SHMT1: variants seen among roughly 807,000 people sequenced by gnomAD.
SHMT1 encodes the protein serine hydroxymethyltransferase, cytosolic.
A neutral mutation model predicts 49.0 loss-of-function variants in SHMT1; 45 were observed. The observed-to-expected ratio is 0.92, with a 90% confidence interval of 0.72 to 1.18. The LOEUF (loss-of-function observed/expected upper bound fraction) is 1.18, where lower values mean the gene tolerates loss of function less well. Ranked by LOEUF, SHMT1 falls within the 50% of genes most tolerant of loss-of-function variation. The pLI is 0.00. For synonymous variants in SHMT1, 232 were observed against 246.6 expected, an observed-to-expected ratio of 0.94 and a Z score of 0.55; for missense variants, 541 against 612.4, an observed-to-expected ratio of 0.88 and a Z score of 1.23.
chr17:18,351,176 T>A (rs1340618716), intron 3 of SHMT1, among the ~76,000 whole-genome samples: 1 of 151,926 alleles, frequency 6.6e-6, no homozygotes, highest in Non-Finnish European at 1.5e-5. Flanking sequence ...GGAATCTCAC[T>A]GTCACCCAGG....
At chr17:18,344,001 C>G (rs2151585172) in intron 5 of SHMT1, among the ~76,000 whole-genome samples, 1 of 151,734 alleles carries the variant, frequency 6.6e-6, no homozygotes, top group South Asian at 2.1e-4. Context: ...AAACTGGGCT[C>G]TGGGATCTGA....
intron 1 of SHMT1, among the ~76,000 whole-genome samples, chr17:18,356,330 C>G (rs543586822): frequency 6.6e-5 from 10 of 151,978 alleles, no homozygotes; most frequent in South Asian, 6.2e-4. Context: ...GTGTCAGCCA[C>G]CGCGCCCCAC....
At chr17:18,343,971 C>G (rs959370985) in intron 5 of SHMT1, among the ~76,000 whole-genome samples, 1 of 148,794 alleles carries the variant, frequency 6.7e-6, no homozygotes, top group African/African-American at 2.5e-5. Context: ...ACCAGCAGAG[C>G]ATAGAGCGCA....
At chr17:18,359,167 GGCGGAA>G in intron 1 of SHMT1, among the ~76,000 whole-genome samples, 1 of 151,184 alleles carries the variant, frequency 6.6e-6, no homozygotes, top group Non-Finnish European at 1.5e-5. Flanking sequence ...GAACCCGGGA[GGCGGAA>G]GTTGTAGTGA....
chr17:18,348,684 G>T (rs775837664), intron 3 of SHMT1: 1 of 617,024 alleles, frequency 1.6e-6, no homozygotes, highest in South Asian at 1.4e-5. Flanking sequence ...TATAAAAAGA[G>T]GGGGTTTTGG....
chr17:18,340,329 T>C lies in SHMT1; in HGVS notation c.602-74A>G, dbSNP rs1226260255. 7 of 1,434,394 alleles carry C rather than the reference T, an allele frequency of 4.9e-6. No individual in the cohort carries two copies. The East Asian group carries it at 1.6e-4, about 33-fold the overall frequency. The allele number at this position is 1,434,394 out of a possible 1,614,324, so 88.9% of individuals were successfully genotyped here. On this transcript the variant is annotated intron_variant, in intron 6 of 11. Coordinates refer to ENST00000316694, the MANE Select transcript of SHMT1 (RefSeq NM_004169.5). This position sits in a 1 kb window ranked among gnomAD's most constrained non-coding sequence, Gnocchi z 4.5. ...GCTGAGTTGGCTTCACAGTGGCCTC[T>C]AGATGTGCAGATCTGAAAGCCCAGA...
At chr17:18,356,045 ATTTAT>A (rs1986212514) in intron 1 of SHMT1, 45 bp from the exon 2 acceptor site, 2 of 849,490 alleles carry the variant, frequency 2.4e-6, no homozygotes, top group Admixed American at 2.4e-5. Flanking sequence ...AATTAAATTT[ATTTAT>A]TTTATTTATT....
intron 1 of SHMT1, among the ~76,000 whole-genome samples, 162 bp from the exon 2 acceptor site, chr17:18,356,162 C>T (rs898938883): frequency 6.6e-6 from 1 of 152,076 alleles, no homozygotes; most frequent in Non-Finnish European, 1.5e-5. Context: ...AAGAGATTCT[C>T]CTGCCTCAAT....
At chr17:18,329,582 A>G (rs901469249) in intron 10 of SHMT1, among the ~76,000 whole-genome samples, 194 bp from the exon 11 acceptor site, 6 of 152,340 alleles carry the variant, frequency 3.9e-5, no homozygotes, top group African/African-American at 1.4e-4. Context: ...GGCCACTCTG[A>G]CTTAATTACT....
At chr17:18,362,289 C>T (rs1238668463) in intron 1 of SHMT1, among the ~76,000 whole-genome samples, 2 of 152,142 alleles carry the variant, frequency 1.3e-5, no homozygotes, top group South Asian at 2.1e-4. Context: ...AATAAATTTA[C>T]GTTATTTCTT....
In SHMT1 at chr17:18,330,557, GGACAGGT is replaced by G; in HGVS notation, c.1162_1168del (p.Thr388GlnfsTer19). 1 of 1,600,642 alleles carries G rather than the reference GGACAGGT, an allele frequency of 6.2e-7. No homozygotes were observed. The highest frequency in any genetic ancestry group is 1.7e-4 in the Middle Eastern group (1 of 6,036). ...GAGAAGGCAAGGATGATTCTCACCT[GGACAGGT>G]GTTCTTGTTGCAGGCAATAGAACAG... On this transcript the variant is annotated frameshift_variant, in exon 10 of 12. Coordinates refer to ENST00000316694, the MANE Select transcript of SHMT1 (RefSeq NM_004169.5). LOFTEE classifies it high-confidence loss of function.
intron 8 of SHMT1, among the ~76,000 whole-genome samples, chr17:18,334,589 G>A (rs910183711): frequency 1.1e-4 from 17 of 152,328 alleles, no homozygotes; most frequent in Admixed American, 3.3e-4. Context: ...AGGTCAGAGC[G>A]CAGGTAGGAG....
Position 18,347,635 on chromosome 17 carries a change from A to G in SHMT1, c.380T>C (p.Val127Ala). 1 of 1,614,202 alleles carries G rather than the reference A, an allele frequency of 6.2e-7. No individual in the cohort carries two copies. ...ATGGGGTTCCACCAGGGCAGTGTACACAGCAAAGTTTGCAGGGGAGCCTGA... is the reference window on the plus strand; with the variant it reads ...ATGGGGTTCCACCAGGGCAGTGTACGCAGCAAAGTTTGCAGGGGAGCCTGA... ...PYSGSPANFA[V>A]YTALVEPHGR... The change falls in exon 5 of 12, where the codon GTG (valine) becomes GCG (alanine). Residue 127 changes from valine (V) to alanine (A), a missense_variant. Physicochemically the swap from Val to Ala is moderately conservative, Grantham distance 64 (BLOSUM62 0). Coordinates refer to ENST00000316694, the MANE Select transcript of SHMT1 (RefSeq NM_004169.5).
chr17:18,336,391 C>CA lies in SHMT1; in HGVS notation c.815-717_815-716insT, dbSNP rs1306425502. Among the ~76,000 whole-genome samples the CA allele has an allele frequency of 1.1e-4, 16 of 152,182 alleles. No homozygotes were observed. In the East Asian group the frequency reaches 3.1e-3, roughly 29 times the overall value. ...TTAAAGAAATGTCCATGTGGCTGGG[C>CA]GTGGTGGTTCATGCGTGTAATCCCA... On this transcript the variant is annotated intron_variant, in intron 7 of 11. Transcript: ENST00000316694.
chr17:18,329,055 C>T (rs1982879902), intron 11 of SHMT1, 136 bp from the exon 12 acceptor site: 1 of 1,162,854 alleles, frequency 8.6e-7, no homozygotes, highest in Non-Finnish European at 1.3e-6. Context: ...ATGCTTACCT[C>T]AATTACTCTG....
chr17:18,340,915 G>A lies in SHMT1; in HGVS notation c.520-102C>T, dbSNP rs867185594. On this transcript the variant is annotated intron_variant, in intron 5 of 11. Transcript: ENST00000316694. The surrounding 1 kb of genome is among the most constrained non-coding windows in gnomAD (Gnocchi z 4.5). ...CTCCACCCACCATGACAAGAGGAAT[G>A]ATGTCCTAGATGAGGACTTGAGGGT... The A allele has an allele frequency of 1.1e-5, 9 of 816,642 alleles. No homozygotes were observed. The highest frequency in any genetic ancestry group is 3.2e-4 in the Middle Eastern group (1 of 3,142). 50.6% of individuals were successfully genotyped at this position (816,642 alleles called of 1,614,324 possible).
intron 9 of SHMT1, chr17:18,331,476 A>C (rs1201469953): frequency 6.5e-6 from 1 of 154,924 alleles, no homozygotes; most frequent in Non-Finnish European, 1.4e-5. Flanking sequence ...TTTAAGTAAG[A>C]TACTGGACAT....
At chr17:18,341,208 G>A in intron 5 of SHMT1, 1 of 249,924 alleles carries the variant, frequency 4.0e-6, no homozygotes, top group Non-Finnish European at 8.0e-6. Flanking sequence ...AGAAACAAAA[G>A]GCATAACGAT....
At chr17:18,351,779 AAAC>A (rs1190198241) in intron 3 of SHMT1, among the ~76,000 whole-genome samples, 4 of 152,090 alleles carry the variant, frequency 2.6e-5, no homozygotes, top group East Asian at 3.9e-4. Flanking sequence ...TGTAAAAAAA[AAAC>A]AACAAGCCCT....
Sources: gnomAD v4.1 joint callset for allele counts (sites outside exome capture counted in the v4.1 genomes callset) on GRCh38, gnomAD v4.1.1 for gene constraint, Gnocchi (gnomAD v3.1) non-coding constraint, MANE v1.5 for transcripts, NCBI Gene and HGNC (gene_info 2026-07-23, HGNC 2026-07-21) for gene names.